Variants in PDGFD observed in about 807,000 individuals in gnomAD.
PDGFD encodes platelet derived growth factor D.
In PDGFD, 30 loss-of-function variants were observed where a neutral mutation model predicts 44.7. The ratio of observed to expected loss-of-function variants is 0.67; its 90% confidence interval spans 0.50 to 0.91. The LOEUF (loss-of-function observed/expected upper bound fraction) is 0.91, where lower values mean the gene tolerates loss of function less well. PDGFD is among the 40% of genes least tolerant of loss of function. The pLI, the probability that PDGFD is intolerant of heterozygous loss-of-function variation, is 0.00. For synonymous variants in PDGFD, 173 were observed against 168.4 expected (o/e 1.03, Z -0.21); for missense variants, 445 against 457.8 (o/e 0.97, Z 0.25).
chr11:104,036,359 G>A (rs1860232515), intron 1 of PDGFD, among the ~76,000 whole-genome samples: 1 of 152,144 alleles, frequency 6.6e-6, no homozygotes, highest in Admixed American at 6.5e-5. Context: ...GAGGAGGACT[G>A]CTTGAGCCTA....
intron 1 of PDGFD, among the ~76,000 whole-genome samples, chr11:104,100,530 G>A (rs923396434): frequency 1.3e-5 from 2 of 152,098 alleles, no homozygotes; most frequent in Non-Finnish European, 2.9e-5. Context: ...AATTCTACCA[G>A]AGGTACAAGG....
intron 3 of PDGFD, among the ~76,000 whole-genome samples, chr11:103,960,100 T>G (rs1858913238): frequency 6.6e-6 from 1 of 152,216 alleles, no homozygotes; most frequent in Admixed American, 6.5e-5. Context: ...TCTTTGCATC[T>G]TGCTATAATT....
intron 1 of PDGFD, among the ~76,000 whole-genome samples, chr11:104,011,191 T>C (rs1179910432): frequency 6.6e-6 from 1 of 152,124 alleles, no homozygotes; most frequent in Non-Finnish European, 1.5e-5. Context: ...AATATCCTAA[T>C]GCTTAAAGTG....
chr11:104,154,814 T>C (rs924719437), intron 1 of PDGFD, among the ~76,000 whole-genome samples: 2 of 152,184 alleles, frequency 1.3e-5, no homozygotes, highest in Admixed American at 1.3e-4. Context: ...TTGCAGTTTC[T>C]ATGGCTGCTT....
At chr11:103,960,031 G>A (rs540580885) in intron 3 of PDGFD, among the ~76,000 whole-genome samples, 2 of 152,268 alleles carry the variant, frequency 1.3e-5, no homozygotes, top group South Asian at 4.1e-4. Context: ...TTCATCAGCA[G>A]TTTTATGAGT....
At chr11:103,934,435 A>C (rs1248189718) in intron 5 of PDGFD, among the ~76,000 whole-genome samples, 1 of 152,212 alleles carries the variant, frequency 6.6e-6, no homozygotes, top group Admixed American at 6.5e-5. Context: ...GCCAATGATC[A>C]GGTGTCTTCA....
chr11:104,037,142 C>A (rs747931767), intron 1 of PDGFD: 1 of 1,613,844 alleles, frequency 6.2e-7, no homozygotes, highest in Non-Finnish European at 8.5e-7. Context: ...ACGTCCAGCT[C>A]CCGTCCACAG....
chr11:103,947,541 C>A, intron 4 of PDGFD, 121 bp downstream of exon 4: 1 of 726,380 alleles, frequency 1.4e-6, no homozygotes, highest in Non-Finnish European at 2.5e-6. Context: ...GAAACACATC[C>A]TGTTTGAGAT....
chr11:103,925,308 G>C (rs3018608), intron 6 of PDGFD, among the ~76,000 whole-genome samples: 62,451 of 151,938 alleles, frequency 0.41, 13,306 homozygotes, highest in East Asian at 0.64. Context: ...ATAATCATTT[G>C]GGTATATACC....
chr11:104,012,044 A>T (rs543100840), intron 1 of PDGFD, among the ~76,000 whole-genome samples: 1 of 152,288 alleles, frequency 6.6e-6, no homozygotes, highest in East Asian at 1.9e-4. Flanking sequence ...AACCTATGAA[A>T]GATTAATGCA....
At chr11:103,972,083 A>T (rs1326462640) in intron 3 of PDGFD, among the ~76,000 whole-genome samples, 2 of 152,146 alleles carry the variant, frequency 1.3e-5, no homozygotes, top group Non-Finnish European at 2.9e-5. Context: ...CTGTCTCTTA[A>T]AATGTTCCAG....
chr11:104,066,735 TA>T (rs1458311328), intron 1 of PDGFD, among the ~76,000 whole-genome samples: 1 of 152,194 alleles, frequency 6.6e-6, no homozygotes, highest in Non-Finnish European at 1.5e-5. Context: ...TGTCACTGTT[TA>T]AAACTCTTGG....
Position 103,977,860 on chromosome 11 carries a change from A to G in PDGFD, c.510+18205T>C, listed in dbSNP as rs547805341. On this transcript the variant is annotated intron_variant, in intron 3 of 6. Transcript: ENST00000393158. ...TAGAAATATGGTTGCTAAGGCCAGCAGTCCAAATGATAAGATGAGGTTGTT... is the reference window on the plus strand; with the variant it reads ...TAGAAATATGGTTGCTAAGGCCAGCGGTCCAAATGATAAGATGAGGTTGTT... Among the ~76,000 whole-genome samples, 79 of 152,198 alleles carry G rather than the reference A, an allele frequency of 5.2e-4. 2 individuals are homozygous for G. Among genetic ancestry groups the G allele is most frequent in the Admixed American group, 1.8e-3 (28 of 15,254 alleles).
intron 2 of PDGFD, among the ~76,000 whole-genome samples, chr11:103,996,953 C>T (rs1337962766): frequency 6.6e-6 from 1 of 152,110 alleles, no homozygotes; most frequent in African/African-American, 2.4e-5. Context: ...AACTAGAATC[C>T]TGGGATTCAA....
At chr11:103,948,131 T>A (rs1201851325) in intron 3 of PDGFD, among the ~76,000 whole-genome samples, 1 of 152,204 alleles carries the variant, frequency 6.6e-6, no homozygotes, top group Non-Finnish European at 1.5e-5. Flanking sequence ...AAGTGTTTGA[T>A]AAAGAATAAT....
At chr11:103,927,221 G>C in intron 5 of PDGFD, 95 bp from the exon 6 acceptor site, 1 of 1,106,482 alleles carries the variant, frequency 9.0e-7, no homozygotes, top group South Asian at 1.4e-5. Flanking sequence ...GATTCTGTGA[G>C]GACAACTTTA....
In PDGFD at chr11:103,943,533, A is replaced by G; in HGVS notation, c.691T>C (p.Ser231Pro). 6.2e-7 allele frequency: 1 copy of G among 1,613,316 alleles called. No homozygotes were observed. The highest frequency in any genetic ancestry group is 8.5e-7 in the Non-Finnish European group (1 of 1,179,618). Residue 231 changes from serine to proline, a missense_variant, in exon 5 of 7, where the codon TCA becomes CCA. Transcript: ENST00000393158. ...ATATTCTCAAGATCTTCTTGCCATG[A>G]CTCTGGATTGAAGTACTTGAGCAGA... ...EDLLKYFNPE[S>P]WQEDLENMYL...
chr11:104,029,899 C>T (rs1397824801), intron 1 of PDGFD, among the ~76,000 whole-genome samples: 1 of 152,160 alleles, frequency 6.6e-6, no homozygotes, highest in Non-Finnish European at 1.5e-5. Flanking sequence ...ATGATATCCA[C>T]TAATTACAGG....
At chr11:103,968,128 T>C (rs1028690686) in intron 3 of PDGFD, among the ~76,000 whole-genome samples, 1 of 152,178 alleles carries the variant, frequency 6.6e-6, no homozygotes, top group Non-Finnish European at 1.5e-5. Context: ...TTGGCTTCTG[T>C]AATATTATGC....
Sources: gnomAD v4.1 joint callset for allele counts (sites outside exome capture counted in the v4.1 genomes callset) on GRCh38, gnomAD v4.1.1 for gene constraint, MANE v1.5 for transcripts, NCBI Gene and HGNC (gene_info 2026-07-23, HGNC 2026-07-21) for gene names.